Variants in APOBEC3C observed in about 807,000 individuals in gnomAD.
APOBEC3C encodes DNA dC->dU-editing enzyme APOBEC-3C.
In APOBEC3C, 14 loss-of-function variants were observed where a neutral mutation model predicts 20.6. That is an observed-to-expected ratio of 0.68 (90% CI 0.45 to 1.06). APOBEC3C has a LOEUF of 1.06. Among genes scored for constraint, APOBEC3C ranks in the 50% least tolerant of loss-of-function variants. The probability of loss-of-function intolerance (pLI) is 0.00; values close to 1 mark genes in which losing one functional copy is unlikely to be tolerated. For synonymous variants in APOBEC3C, 98 were observed against 88.8 expected, an observed-to-expected ratio of 1.10 and a Z score of -0.58; for missense variants, 244 against 241.9, an observed-to-expected ratio of 1.01 and a Z score of -0.06.
At position 39,018,443 on chromosome 22, in the gene APOBEC3C, G is replaced by T; in HGVS notation, c.*56G>T. The T allele has an allele frequency of 6.3e-7, 1 of 1,581,316 alleles. No homozygotes were observed. Among genetic ancestry groups the T allele is most frequent in the South Asian group, 1.1e-5 (1 of 88,294 alleles). On this transcript the variant is annotated 3_prime_UTR_variant, in exon 4 of 4. Transcript: ENST00000361441. Reference sequence around the variant, plus strand: ...CTCTAGCCTCCTGCTCATGCTGCACGGGCCTCCCCTCCACCCTGGACCCGC... The same window carrying T: ...CTCTAGCCTCCTGCTCATGCTGCACTGGCCTCCCCTCCACCCTGGACCCGC...
In APOBEC3C at chr22:39,014,335, A is replaced by G. The variant is rs766351493; in HGVS notation, c.-28A>G. ...ACAGCGCTTCAGAAAAGAGTGGGAC[A>G]GGGACAAGCATATCTAAGAGGCTGA... is the stretch of plus-strand genomic sequence containing the variant. On this transcript the variant is annotated 5_prime_UTR_variant, in exon 1 of 4. Coordinates refer to ENST00000361441, the MANE Select transcript of APOBEC3C (RefSeq NM_014508.3). 2 of 1,614,192 alleles carry G rather than the reference A, an allele frequency of 1.2e-6. No homozygotes were observed. The highest frequency in any genetic ancestry group is 1.7e-6 in the Non-Finnish European group (2 of 1,179,994).
chr22:39,017,737 C>A (rs767875374), intron 2 of APOBEC3C, 29 bp from the exon 3 acceptor site: 1 of 1,604,618 alleles, frequency 6.2e-7, no homozygotes, highest in Non-Finnish European at 8.5e-7. Context: ...GGTCTGAGCT[C>A]CCCTGTCCTC....
chr22:39,017,857 C>T lies in APOBEC3C; in HGVS notation c.266C>T (p.Thr89Ile), dbSNP rs11551112. Residue 89 changes from threonine (T) to isoleucine (I), a missense_variant, in exon 3 of 4, where the codon ACC (threonine) becomes ATC (isoleucine). Thr to Ile is a moderately conservative substitution (Grantham distance 89, BLOSUM62 -1). Coordinates refer to ENST00000361441, the MANE Select transcript of APOBEC3C (RefSeq NM_014508.3). ...TCTCCTAACACAAAGTACCAGGTCA[C>T]CTGGTACACATCTTGGAGCCCTTGC... ...ILSPNTKYQV[T>I]WYTSWSPCPD... 5.6e-6 allele frequency: 9 copies of T among 1,614,174 alleles called. No individual in the cohort carries two copies. Among genetic ancestry groups the T allele is most frequent in the Non-Finnish European group, 7.6e-6 (9 of 1,180,018 alleles).
chr22:39,015,263 A>G (rs1387162713), intron 1 of APOBEC3C, among the ~76,000 whole-genome samples: 1 of 151,434 alleles, frequency 6.6e-6, no homozygotes, highest in African/African-American at 2.4e-5. Flanking sequence ...TGCAAACTCC[A>G]GCCTGGGGGA....
intron 2 of APOBEC3C, 80 bp downstream of exon 2, chr22:39,015,831 C>A: frequency 1.4e-6 from 2 of 1,446,988 alleles, no homozygotes. Context: ...AAGTGATGTG[C>A]CCGGCGTGGG....
intron 2 of APOBEC3C, among the ~76,000 whole-genome samples, chr22:39,016,577 C>T (rs377092323): frequency 4.6e-5 from 7 of 152,104 alleles, no homozygotes; most frequent in East Asian, 1.9e-4. Context: ...GTGATCAGAT[C>T]GTGGAGGGGG....
intron 1 of APOBEC3C, 121 bp downstream of exon 1, chr22:39,014,500 T>C: frequency 2.8e-6 from 3 of 1,059,126 alleles, no homozygotes; most frequent in Non-Finnish European, 3.9e-6. Flanking sequence ...TCCCCCCTGG[T>C]TCCCCCGCTG....
rs1488564176 is a variant in APOBEC3C, at chr22:39,019,306, A to G, written c.*919A>G. ...TTGCTCCAAACGCAGCGACTCAGCAATAGAACCTCCCAGCTCCCAGCCCTT... is the reference window on the plus strand; with the variant it reads ...TTGCTCCAAACGCAGCGACTCAGCAGTAGAACCTCCCAGCTCCCAGCCCTT... On this transcript the variant is annotated 3_prime_UTR_variant, in exon 4 of 4. Coordinates refer to ENST00000361441, the MANE Select transcript of APOBEC3C (RefSeq NM_014508.3). The G allele has an allele frequency of 6.6e-6, 1 of 152,222 alleles. No homozygotes were observed. The highest frequency in any genetic ancestry group is 2.4e-5 in the African/African-American group (1 of 41,450). The allele number at this position is 152,222 out of a possible 1,614,324, so 9.4% of individuals were successfully genotyped here.
intron 2 of APOBEC3C, among the ~76,000 whole-genome samples, chr22:39,016,112 AAGTGAT>A (rs1924771026): frequency 6.6e-6 from 1 of 151,922 alleles, no homozygotes; most frequent in African/African-American, 2.4e-5. Context: ...TCCTGACCTC[AAGTGAT>A]CCACCAGCCT....
In APOBEC3C at chr22:39,015,725, T is replaced by C. The variant is rs752738093; in HGVS notation, c.148T>C (p.Trp50Arg). ...TATAAAGCGCCGCTCAGTTGTCTCC[T>C]GGAAGACGGGCGTCTTCCGAAACCA... is the stretch of plus-strand genomic sequence containing the variant. Reference protein sequence around the residue: ...EGIKRRSVVSWKTGVFRNQVD... With the variant: ...EGIKRRSVVSRKTGVFRNQVD... Residue 50 changes from tryptophan to arginine, a missense_variant, in exon 2 of 4, where the codon TGG (tryptophan) becomes CGG (arginine). Coordinates refer to ENST00000361441, the MANE Select transcript of APOBEC3C (RefSeq NM_014508.3). 3.1e-6 allele frequency: 5 copies of C among 1,613,960 alleles called. No homozygotes were observed. The highest frequency in any genetic ancestry group is 1.3e-5 in the African/African-American group (1 of 75,008).
chr22:39,016,195 T>TTATTTATTTATTTATTTATA (rs1924776518), intron 2 of APOBEC3C, among the ~76,000 whole-genome samples: 1 of 145,142 alleles, frequency 6.9e-6, no homozygotes, highest in Admixed American at 7.0e-5. Context: ...CCCACATTAT[T>TTATTTATTTATTTATTTATA]TATTTATTTA....
chr22:39,015,850 T>C, intron 2 of APOBEC3C, 99 bp downstream of exon 2: 1 of 1,189,076 alleles, frequency 8.4e-7, no homozygotes, highest in East Asian at 2.5e-5. Context: ...GGCTCTCCTG[T>C]GTGCACTTTC....
intron 1 of APOBEC3C, among the ~76,000 whole-genome samples, chr22:39,014,785 T>C (rs751473927): frequency 1.1e-4 from 16 of 152,192 alleles, no homozygotes; most frequent in Non-Finnish European, 2.1e-4. Context: ...TTCTGTAAGA[T>C]TTACTTTGTT....
intron 2 of APOBEC3C, among the ~76,000 whole-genome samples, chr22:39,017,184 A>G (rs1359222478): frequency 3.3e-5 from 5 of 152,134 alleles, no homozygotes; most frequent in African/African-American, 1.2e-4. Context: ...GTGAGCCGAG[A>G]TTGTGCCACT....
chr22:39,014,338 G>A lies in APOBEC3C; in HGVS notation c.-25G>A, dbSNP rs751474440. ...GCGCTTCAGAAAAGAGTGGGACAGG[G>A]ACAAGCATATCTAAGAGGCTGAACA... On this transcript the variant is annotated 5_prime_UTR_variant, in exon 1 of 4. Transcript: ENST00000361441. 7 of 1,614,122 alleles carry A rather than the reference G, an allele frequency of 4.3e-6. No individual in the cohort carries two copies. The highest frequency in any genetic ancestry group is 4.5e-5 in the East Asian group (2 of 44,876).
chr22:39,017,724 C>G (rs759856309), intron 2 of APOBEC3C, 42 bp from the exon 3 acceptor site: 1 of 1,594,286 alleles, frequency 6.3e-7, no homozygotes, highest in Admixed American at 1.7e-5. Flanking sequence ...TCCTCCTGCT[C>G]CTGGTCTGAG....
intron 2 of APOBEC3C, among the ~76,000 whole-genome samples, chr22:39,017,403 T>G (rs114475221): frequency 0.021 from 3,134 of 151,894 alleles, 120 homozygotes; most frequent in African/African-American, 0.071. Flanking sequence ...TTTGGGAGGG[T>G]GAGGCAGGAG....
Position 39,014,377 on chromosome 22 carries a change from C to G in APOBEC3C, c.15C>G (p.Ile5Met), listed in dbSNP as rs778253371. 4.3e-6 allele frequency: 7 copies of G among 1,614,174 alleles called. No homozygotes were observed. The South Asian group carries it at 7.7e-5, about 18-fold the overall frequency. Residue 5 changes from isoleucine to methionine, a missense_variant and splice_region_variant, in exon 1 of 4, where the codon ATC becomes ATG. Transcript: ENST00000361441. ...AGAGGCTGAACATGAATCCACAGAT[C>G]AGGTACCTCTGCACGCTTTGTCCGC... MNPQ[I>M]RNPMKAMYPG...
intron 1 of APOBEC3C, 151 bp from the exon 2 acceptor site, chr22:39,015,444 C>A: frequency 1.1e-6 from 1 of 914,946 alleles, no homozygotes; most frequent in Non-Finnish European, 1.6e-6. Context: ...CGTCTTCCTG[C>A]CTGGGAAAGC....
Sources: gnomAD v4.1 joint callset for allele counts (sites outside exome capture counted in the v4.1 genomes callset) on GRCh38, gnomAD v4.1.1 for gene constraint, MANE v1.5 for transcripts, NCBI Gene and HGNC (gene_info 2026-07-23, HGNC 2026-07-21) for gene names.